Variants in HSH2D observed in about 807,000 individuals in gnomAD.
HSH2D encodes the protein hematopoietic SH2 domain-containing protein.
In HSH2D, 16 loss-of-function variants were observed where a neutral mutation model predicts 21.5. That is an observed-to-expected ratio of 0.74 (90% CI 0.50 to 1.13). HSH2D has a LOEUF of 1.13. Among genes scored for constraint, HSH2D ranks in the 50% most tolerant of loss-of-function variants. The pLI is 0.00. For synonymous variants in HSH2D, 172 were observed against 184.7 expected (o/e 0.93, Z 0.56); for missense variants, 418 against 441.4 (o/e 0.95, Z 0.47).
chr19:16,154,794 C>T lies in HSH2D; in HGVS notation c.474+303C>T, dbSNP rs553390686. On this transcript the variant is annotated intron_variant, in intron 5 of 5. Coordinates refer to ENST00000613986, the MANE Select transcript of HSH2D (RefSeq NM_001382417.1). ...CCCCACCTCAGGTCCTTTGCACAAA[C>T]TGTGTGCCCTGCCCCTAGATTTCCC... is the stretch of plus-strand genomic sequence containing the variant. The T allele has an allele frequency of 2.2e-3, 536 of 243,468 alleles. 2 individuals carry two copies. Among genetic ancestry groups the T allele is most frequent in the Non-Finnish European group, 3.1e-3 (372 of 121,910 alleles). The allele number at this position is 243,468 out of a possible 1,614,324, so 15.1% of individuals were successfully genotyped here.
intron 1 of HSH2D, among the ~76,000 whole-genome samples, chr19:16,137,355 C>A (rs1365993711): frequency 6.6e-6 from 1 of 152,140 alleles, no homozygotes; most frequent in African/African-American, 2.4e-5. Flanking sequence ...CGGCCGGGCG[C>A]GGTAGCTCAC....
chr19:16,135,637 G>A (rs1335292243), intron 1 of HSH2D, among the ~76,000 whole-genome samples: 1 of 152,004 alleles, frequency 6.6e-6, no homozygotes, highest in African/African-American at 2.4e-5. Context: ...AAGGCCCCAG[G>A]GCCTTTGCAC....
At chr19:16,153,502 G>T (rs1397675651) in intron 4 of HSH2D, among the ~76,000 whole-genome samples, 1 of 152,068 alleles carries the variant, frequency 6.6e-6, no homozygotes, top group Non-Finnish European at 1.5e-5. Context: ...TCCTTAGAAG[G>T]CTCGGTGGGC....
At chr19:16,145,037 G>GGT (rs1491275262) in intron 1 of HSH2D, among the ~76,000 whole-genome samples, 13 of 119,430 alleles carry the variant, frequency 1.1e-4, no homozygotes, top group South Asian at 5.3e-4. Context: ...TTTTTTTGGG[G>GGT]TTTTTTTTTT....
At chr19:16,155,126 T>A (rs1055392700) in intron 5 of HSH2D, among the ~76,000 whole-genome samples, 1 of 152,162 alleles carries the variant, frequency 6.6e-6, no homozygotes, top group African/African-American at 2.4e-5. Flanking sequence ...TGAATGAATG[T>A]ATCACAGCAT....
intron 1 of HSH2D, among the ~76,000 whole-genome samples, chr19:16,146,839 T>G (rs1330904172): frequency 6.6e-6 from 1 of 151,882 alleles, no homozygotes; most frequent in Non-Finnish European, 1.5e-5. Context: ...CTTTTTTTTT[T>G]TTTTGAGATG....
At chr19:16,135,875 G>A (rs1299037504) in intron 1 of HSH2D, among the ~76,000 whole-genome samples, 3 of 152,214 alleles carry the variant, frequency 2.0e-5, no homozygotes, top group Non-Finnish European at 4.4e-5. Flanking sequence ...GTGCTTGTGT[G>A]TGGCCTGAAC....
intron 3 of HSH2D, 44 bp from the exon 4 acceptor site, chr19:16,152,999 A>G: frequency 6.3e-7 from 1 of 1,586,884 alleles, no homozygotes; most frequent in Non-Finnish European, 8.6e-7. Context: ...TGGGGCAGGG[A>G]TGAGGGGGAG....
At position 16,153,751 on chromosome 19, in the gene HSH2D, G is replaced by T. The variant is rs114478319; in HGVS notation, c.381+543G>T. Among the ~76,000 whole-genome samples the T allele has an allele frequency of 1.3e-3, 195 of 151,632 alleles. 2 individuals are homozygous for T. Among genetic ancestry groups the T allele is most frequent in the African/African-American group, 4.6e-3 (190 of 41,076 alleles). On this transcript the variant is annotated intron_variant, in intron 4 of 5. Coordinates refer to ENST00000613986, the MANE Select transcript of HSH2D (RefSeq NM_001382417.1). ...CCTGGCTCCCAATAAACTGCTGTGG[G>T]CAGGGCATGTTTCCTTAGAAGGCCC... is the stretch of plus-strand genomic sequence containing the variant.
At chr19:16,146,073 C>T (rs1183503640) in intron 1 of HSH2D, among the ~76,000 whole-genome samples, 1 of 132,672 alleles carries the variant, frequency 7.5e-6, no homozygotes, top group African/African-American at 3.2e-5. Flanking sequence ...GAGATTCCAT[C>T]TCAAAAAAAA....
Position 16,157,907 on chromosome 19 carries a change from C to T in HSH2D, c.*113C>T, listed in dbSNP as rs981319806. The stretch of plus-strand genomic sequence containing the variant: ...ATGGCATCCGGGGGTCTTCGGGAAC[C>T]CGGGAAATGGAATAAAGATGTTTTT... On this transcript the variant is annotated 3_prime_UTR_variant, in exon 6 of 6. Coordinates refer to ENST00000613986, the MANE Select transcript of HSH2D (RefSeq NM_001382417.1). This position sits in a 1 kb window ranked among gnomAD's most constrained non-coding sequence, Gnocchi z 4.4. The T allele has an allele frequency of 4.3e-5, 32 of 747,606 alleles. No homozygotes were observed. The East Asian group carries it at 8.4e-4, about 20-fold the overall frequency. The allele number at this position is 747,606 out of a possible 1,614,324, so 46.3% of individuals were successfully genotyped here. A position where few individuals can be genotyped will look rare whatever the true frequency, so the allele number is the denominator to read the frequency against.
At chr19:16,137,668 A>G (rs924028291) in intron 1 of HSH2D, among the ~76,000 whole-genome samples, 12 of 151,356 alleles carry the variant, frequency 7.9e-5, no homozygotes, top group Non-Finnish European at 1.8e-4. Context: ...TGCAGCCTCA[A>G]CCTCCCAGGC....
chr19:16,154,287 G>C, intron 4 of HSH2D, 112 bp from the exon 5 acceptor site: 2 of 635,842 alleles, frequency 3.1e-6, no homozygotes, highest in South Asian at 4.0e-5. Flanking sequence ...GCGTGGCCTA[G>C]GTACTAAGAA....
At chr19:16,136,433 C>T (rs2090964551) in intron 1 of HSH2D, among the ~76,000 whole-genome samples, 1 of 152,098 alleles carries the variant, frequency 6.6e-6, no homozygotes, top group African/African-American at 2.4e-5. Context: ...CCACTCAAGA[C>T]CCACGGTGAT....
In HSH2D at chr19:16,152,561, G is replaced by T. The variant is rs776731700; in HGVS notation, c.135G>T (p.Glu45Asp). 56 of 1,498,562 alleles carry T rather than the reference G, an allele frequency of 3.7e-5. No individual in the cohort carries two copies. Among genetic ancestry groups the T allele is most frequent in the Non-Finnish European group, 4.9e-5 (55 of 1,126,044 alleles). 92.8% of individuals were successfully genotyped at this position (1,498,562 alleles called of 1,614,324 possible). The stretch of plus-strand genomic sequence containing the variant: ...GTGTGTGCCCTTCCAGGGATGCTGA[G>T]AACTTGCTGGAGTCACAGCCACTGG... Reference protein sequence around the residue: ...FHGAISREDAENLLESQPLGS... With the variant: ...FHGAISREDADNLLESQPLGS... The change falls in exon 3 of 6, where the codon GAG becomes GAT. Residue 45 changes from glutamate to aspartate, a missense_variant. Glu to Asp is a conservative substitution (Grantham distance 45). Coordinates refer to ENST00000613986, the MANE Select transcript of HSH2D (RefSeq NM_001382417.1).
chr19:16,139,449 G>A (rs1438529218), upstream of HSH2D, among the ~76,000 whole-genome samples: 1 of 152,150 alleles, frequency 6.6e-6, no homozygotes, highest in African/African-American at 2.4e-5. Context: ...GGGCATGGTG[G>A]TGTGAGCTTG....
At chr19:16,141,208 A>AGGGCTCCACGTGTCTCCTGCTT (rs2090997320), upstream of HSH2D, among the ~76,000 whole-genome samples, 1 of 152,222 alleles carries the variant, frequency 6.6e-6, no homozygotes, top group African/African-American at 2.4e-5. Context: ...AGTGAGAAGC[A>AGGGCTCCACGTGTCTCCTGCTT]GGGCTCCACG....
At position 16,153,129 on chromosome 19, in the gene HSH2D, C is replaced by A. The variant is rs374950543; in HGVS notation, c.302C>A (p.Ser101Ter). 1.3e-6 allele frequency: 2 copies of A among 1,596,812 alleles called. No individual in the cohort carries two copies. Among genetic ancestry groups the A allele is most frequent in the Non-Finnish European group, 1.7e-6 (2 of 1,172,346 alleles). ...MIPGEKVAHT[S>*]LDALVTFHQQ... ...CCCGGGGAGAAGGTGGCCCACACCT[C>A]GCTGGACGCCCTGGTCACCTTCCAC... The change falls in exon 4 of 6, where the codon TCG becomes TAG. Residue 101 changes from serine (S) to a stop codon, truncating the protein, a stop_gained. Coordinates refer to ENST00000613986, the MANE Select transcript of HSH2D (RefSeq NM_001382417.1). LOFTEE classifies it high-confidence loss of function.
chr19:16,154,434 C>A lies in HSH2D; in HGVS notation c.417C>A (p.Phe139Leu), dbSNP rs377096035. ...DPANVDYEDLFLYSNAVAEEA... is the reference protein window; with the variant it reads ...DPANVDYEDLLLYSNAVAEEA... ...CAAACGTGGATTACGAGGATCTCTTCCTCTACTCCAACGCAGTGGCCGAGG... is the reference window on the plus strand; with the variant it reads ...CAAACGTGGATTACGAGGATCTCTTACTCTACTCCAACGCAGTGGCCGAGG... The change falls in exon 5 of 6, where the codon TTC becomes TTA. Residue 139 changes from phenylalanine (F) to leucine (L), a missense_variant. Transcript: ENST00000613986. 2.0e-5 allele frequency: 31 copies of A among 1,552,218 alleles called. No homozygotes were observed. The highest frequency in any genetic ancestry group is 1.7e-4 in the Middle Eastern group (1 of 5,864).
Sources: gnomAD v4.1 joint callset for allele counts (sites outside exome capture counted in the v4.1 genomes callset) on GRCh38, gnomAD v4.1.1 for gene constraint, Gnocchi (gnomAD v3.1) non-coding constraint, MANE v1.5 for transcripts, NCBI Gene and HGNC (gene_info 2026-07-23, HGNC 2026-07-21) for gene names.